SHISA6: variants seen among roughly 807,000 people sequenced by gnomAD.
SHISA6 encodes protein shisa-6.
Under a neutral mutation model 47.9 loss-of-function variants are expected in SHISA6, and 22 were observed. The observed-to-expected ratio is 0.46, with a 90% CI of 0.33 to 0.66. SHISA6 has a LOEUF of 0.66. Among genes scored for constraint, SHISA6 ranks in the 30% least tolerant of loss-of-function variants. The probability of loss-of-function intolerance (pLI) is 0.02; values close to 1 mark genes in which losing one functional copy is unlikely to be tolerated. For missense variants in SHISA6, 680 were observed against 764.6 expected (o/e 0.89, Z 1.30); for synonymous variants, 388 against 337.8 (o/e 1.15, Z -1.63).
At chr17:11,407,074 T>A (rs555055968) in intron 3 of SHISA6, among the ~76,000 whole-genome samples, 1 of 152,266 alleles carries the variant, frequency 6.6e-6, no homozygotes, top group East Asian at 1.9e-4. Context: ...GGCACAGTAT[T>A]TGGACATAAA....
intron 3 of SHISA6, among the ~76,000 whole-genome samples, chr17:11,506,057 T>C (rs2142350882): frequency 6.6e-6 from 1 of 152,094 alleles, no homozygotes. Flanking sequence ...AATGCAGATT[T>C]CCACTGAAAT....
intron 2 of SHISA6, among the ~76,000 whole-genome samples, chr17:11,301,149 C>T (rs1369789316): frequency 6.6e-6 from 1 of 151,988 alleles, no homozygotes; most frequent in Non-Finnish European, 1.5e-5. Flanking sequence ...GGTAGCAGAC[C>T]CCTTTAATGC....
chr17:11,447,566 T>G (rs1205232347), intron 3 of SHISA6, among the ~76,000 whole-genome samples: 1 of 152,186 alleles, frequency 6.6e-6, no homozygotes, highest in Non-Finnish European at 1.5e-5. Flanking sequence ...AGGTTTGGTT[T>G]TATTGTGTCC....
At chr17:11,347,782 G>C (rs1250093522) in intron 2 of SHISA6, among the ~76,000 whole-genome samples, 1 of 152,186 alleles carries the variant, frequency 6.6e-6, no homozygotes, top group Non-Finnish European at 1.5e-5. Context: ...GCTGTATCTA[G>C]GGGTGAGAGT....
At chr17:11,447,246 A>C (rs552062275) in intron 3 of SHISA6, among the ~76,000 whole-genome samples, 1 of 152,146 alleles carries the variant, frequency 6.6e-6, no homozygotes, top group African/African-American at 2.4e-5. Flanking sequence ...CCGAGGAGGG[A>C]AGGTAAGAAA....
chr17:11,287,286 AAAGG>A (rs140468493), intron 2 of SHISA6, among the ~76,000 whole-genome samples: 10,508 of 149,876 alleles, frequency 0.07, 1,055 homozygotes, highest in African/African-American at 0.22. Flanking sequence ...GGAAGGAAGG[AAAGG>A]AAGGAAGGAA....
chr17:11,380,888 TC>T (rs1912983851), intron 3 of SHISA6, among the ~76,000 whole-genome samples: 1 of 152,144 alleles, frequency 6.6e-6, no homozygotes, highest in Non-Finnish European at 1.5e-5. Context: ...TGACATTCTC[TC>T]CCTGGGTAGC....
intron 2 of SHISA6, among the ~76,000 whole-genome samples, chr17:11,322,536 C>G (rs1435262974): frequency 6.6e-6 from 1 of 152,210 alleles, no homozygotes; most frequent in South Asian, 2.1e-4. Flanking sequence ...TAACTTAGAA[C>G]AGTATGAGAT....
intron 2 of SHISA6, among the ~76,000 whole-genome samples, chr17:11,332,685 C>T (rs566603212): frequency 5.9e-5 from 9 of 152,276 alleles, no homozygotes; most frequent in African/African-American, 2.2e-4. Context: ...CCACCTCCTG[C>T]AGGTTTCCAG....
intron 3 of SHISA6, among the ~76,000 whole-genome samples, chr17:11,398,807 G>A (rs1283119538): frequency 6.6e-6 from 1 of 152,006 alleles, no homozygotes; most frequent in African/African-American, 2.4e-5. Flanking sequence ...TGGCCAGGAT[G>A]GTCTCGATCT....
At chr17:11,479,996 A>G (rs1001659897) in intron 3 of SHISA6, among the ~76,000 whole-genome samples, 1 of 151,974 alleles carries the variant, frequency 6.6e-6, no homozygotes, top group Non-Finnish European at 1.5e-5. Flanking sequence ...AATTCCCTCA[A>G]TTTTTGTTTG....
intron 3 of SHISA6, among the ~76,000 whole-genome samples, chr17:11,457,923 A>G (rs1915587650): frequency 6.6e-6 from 1 of 151,816 alleles, no homozygotes; most frequent in African/African-American, 2.4e-5. Context: ...GTATCTACTA[A>G]AAATACAAAA....
intron 3 of SHISA6, among the ~76,000 whole-genome samples, chr17:11,422,453 C>T (rs1275462389): frequency 6.6e-6 from 1 of 152,168 alleles, no homozygotes; most frequent in Non-Finnish European, 1.5e-5. Context: ...CCCCCTGTAC[C>T]TACAAGAGTA....
intron 3 of SHISA6, among the ~76,000 whole-genome samples, chr17:11,401,588 A>G (rs1454215992): frequency 6.6e-6 from 1 of 152,208 alleles, no homozygotes; most frequent in African/African-American, 2.4e-5. Context: ...AACTTCATGT[A>G]ATGGGGTTCT....
chr17:11,375,494 A>C (rs1050703043), intron 2 of SHISA6, among the ~76,000 whole-genome samples: 4 of 152,214 alleles, frequency 2.6e-5, no homozygotes, highest in Non-Finnish European at 4.4e-5. Context: ...CTAATCTCAC[A>C]GATGCAAAAT....
intron 2 of SHISA6, among the ~76,000 whole-genome samples, chr17:11,359,454 T>C (rs1026415309): frequency 3.3e-5 from 5 of 152,108 alleles, no homozygotes; most frequent in Admixed American, 1.3e-4. Flanking sequence ...AAATATACCA[T>C]TGGGCAAGCT....
chr17:11,263,324 C>T, intron 1 of SHISA6, 42 bp from the exon 2 acceptor site: 1 of 1,548,464 alleles, frequency 6.5e-7, no homozygotes, highest in Non-Finnish European at 8.7e-7. Context: ...GTTGTGCACA[C>T]CTGCTCAGTG....
At chr17:11,457,581 A>C (rs1915573953) in intron 3 of SHISA6, among the ~76,000 whole-genome samples, 2 of 151,646 alleles carry the variant, frequency 1.3e-5, no homozygotes, top group South Asian at 2.1e-4. Flanking sequence ...AATGCAAAAA[A>C]AAAAAAAAAA....
intron 3 of SHISA6, among the ~76,000 whole-genome samples, chr17:11,492,236 G>A (rs1055926471): frequency 6.6e-6 from 1 of 152,156 alleles, no homozygotes; most frequent in African/African-American, 2.4e-5. Flanking sequence ...ACAGAGGGTT[G>A]AGGGTACAGG....
Sources: gnomAD v4.1 joint callset for allele counts (sites outside exome capture counted in the v4.1 genomes callset) on GRCh38, gnomAD v4.1.1 for gene constraint, MANE v1.5 for transcripts, NCBI Gene and HGNC (gene_info 2026-07-23, HGNC 2026-07-21) for gene names.